SCN1A: variants seen among roughly 807,000 people sequenced by gnomAD.
SCN1A encodes the protein sodium channel protein type 1 subunit alpha.
Under a neutral mutation model 193.7 loss-of-function variants are expected in SCN1A, and 13 were observed. The ratio of observed to expected loss-of-function variants is 0.07; its 90% CI spans 0.04 to 0.11. SCN1A has a LOEUF of 0.11. Ranked by LOEUF, SCN1A falls within the 10% of genes least tolerant of loss-of-function variation. The pLI is 1.00. For missense variants in SCN1A, 1,432 were observed against 2,451.1 expected (o/e 0.58, Z 8.78); for synonymous variants, 781 against 843.6 (o/e 0.93, Z 1.29).
chr2:166,077,202 G>T (rs538311413), intron 3 of SCN1A: 1 of 151,850 alleles, frequency 6.6e-6, no homozygotes, highest in East Asian at 1.9e-4. Flanking sequence ...TGAAAAAAAA[G>T]AATTGACAAT....
chr2:166,080,089 T>C (rs1285266045), intron 2 of SCN1A, among the ~76,000 whole-genome samples: 1 of 151,718 alleles, frequency 6.6e-6, no homozygotes, highest in Non-Finnish European at 1.5e-5. Flanking sequence ...TCTGTACTTA[T>C]TCTATTAAAA....
chr2:166,102,822 G>A (rs1172225440), intron 2 of SCN1A, among the ~76,000 whole-genome samples: 1 of 152,134 alleles, frequency 6.6e-6, no homozygotes, highest in Non-Finnish European at 1.5e-5. Flanking sequence ...TGGCTGACTG[G>A]ATAAAGAAAA....
At chr2:166,083,496 T>C (rs1165271186) in intron 2 of SCN1A, among the ~76,000 whole-genome samples, 2 of 151,944 alleles carry the variant, frequency 1.3e-5, no homozygotes, top group African/African-American at 4.8e-5. Flanking sequence ...ATACAATACA[T>C]AGTTTTTGCC....
At chr2:165,995,225 T>C (rs1215480695) in intron 27 of SCN1A, among the ~76,000 whole-genome samples, 2 of 151,842 alleles carry the variant, frequency 1.3e-5, no homozygotes, top group African/African-American at 4.8e-5. Flanking sequence ...TAAATTTTAA[T>C]GGAGAAAGTA....
chr2:166,030,827 G>A (rs894712787), intron 19 of SCN1A, among the ~76,000 whole-genome samples: 3 of 151,908 alleles, frequency 2.0e-5, no homozygotes, highest in Non-Finnish European at 2.9e-5. Context: ...TAGGTGCTTC[G>A]GAGGATAGAA....
Position 165,991,765 on chromosome 2 carries a change from G to C in SCN1A, c.5510C>G (p.Pro1837Arg). Residue 1837 changes from proline to arginine, a missense_variant, in exon 29 of 29, where the codon CCG (proline) becomes CGG (arginine). Physicochemically the swap from Pro to Arg is moderately radical, Grantham distance 103. Around this residue, in one of 18 missense-constraint regions of SCN1A, gnomAD observed 59 missense variants for 110.6 expected, o/e 0.53. Transcript: ENST00000674923. The part of the protein sequence containing the change: ...KLSQFAAALE[P>R]PLNLPQPNKL... ...GTTTGGTTGTGGCAGATTGAGAGGC[G>C]GTTCAAGCGCAGCTGCAAACTGAGA... 6.2e-7 allele frequency: 1 copy of C among 1,613,848 alleles called. No homozygotes were observed. The highest frequency in any genetic ancestry group is 8.5e-7 in the Non-Finnish European group (1 of 1,179,920).
intron 2 of SCN1A, among the ~76,000 whole-genome samples, chr2:166,112,126 A>G (rs540964776): frequency 2.8e-4 from 42 of 152,222 alleles, no homozygotes; most frequent in Non-Finnish European, 5.6e-4. Context: ...TACTGTGGGT[A>G]AAATGCTATC....
upstream of SCN1A, among the ~76,000 whole-genome samples, chr2:166,130,779 TCATTCGTCAGAGCTGAAG>T (rs1261288663): frequency 6.6e-6 from 1 of 152,204 alleles, no homozygotes; most frequent in Non-Finnish European, 1.5e-5. Context: ...CACAGATACT[TCATTCGTCAGAGCTGAAG>T]CAGTTTTACA....
At chr2:166,146,298 C>T (rs1292364604) in intron 1 of SCN1A, among the ~76,000 whole-genome samples, 1 of 152,120 alleles carries the variant, frequency 6.6e-6, no homozygotes, top group Non-Finnish European at 1.5e-5. Flanking sequence ...GCAAACAGGT[C>T]CCACCTTATA....
chr2:166,123,307 A>G (rs934084983), intron 2 of SCN1A, among the ~76,000 whole-genome samples: 4 of 144,900 alleles, frequency 2.8e-5, no homozygotes, highest in South Asian at 4.4e-4. Context: ...CCTGGCCACT[A>G]TGGGGGATGT....
At chr2:165,995,148 G>A (rs965337878) in intron 27 of SCN1A, among the ~76,000 whole-genome samples, 1 of 151,818 alleles carries the variant, frequency 6.6e-6, no homozygotes, top group Admixed American at 6.6e-5. Flanking sequence ...GGGCCACTGA[G>A]GAATTCTGAG....
Position 166,038,185 on chromosome 2 carries a change from A to G in SCN1A, c.2590-53T>C, listed in dbSNP as rs984855471. 3.7e-6 allele frequency: 5 copies of G among 1,341,638 alleles called. No homozygotes were observed. In the African/African-American group the frequency reaches 5.9e-5, roughly 16 times the overall value. The allele number at this position is 1,341,638 out of a possible 1,614,324, so 83.1% of individuals were successfully genotyped here. ...TGTATGATTCTTAAAAGCATTATATATATTGAGCTTTACCTAGAAATGGTC... is the reference window on the plus strand; with the variant it reads ...TGTATGATTCTTAAAAGCATTATATGTATTGAGCTTTACCTAGAAATGGTC... On this transcript the variant is annotated intron_variant, in intron 17 of 28. Transcript: ENST00000674923.
At chr2:166,024,325 G>C (rs918222626) in intron 19 of SCN1A, among the ~76,000 whole-genome samples, 1 of 152,134 alleles carries the variant, frequency 6.6e-6, no homozygotes, top group Non-Finnish European at 1.5e-5. Flanking sequence ...TAGAGACAAA[G>C]AAACCATCCA....
At chr2:166,085,352 G>A (rs1685997125) in intron 2 of SCN1A, among the ~76,000 whole-genome samples, 3 of 152,172 alleles carry the variant, frequency 2.0e-5, no homozygotes, top group Admixed American at 1.3e-4. Flanking sequence ...TGGTTCAACA[G>A]AAATACTTGA....
At chr2:166,070,293 G>A (rs1453509759) in intron 4 of SCN1A, among the ~76,000 whole-genome samples, 2 of 152,164 alleles carry the variant, frequency 1.3e-5, no homozygotes, top group East Asian at 1.9e-4. Flanking sequence ...GTGCATTGCT[G>A]TTGAATGACT....
chr2:166,119,451 G>A (rs1344624909), intron 2 of SCN1A, among the ~76,000 whole-genome samples: 1 of 152,142 alleles, frequency 6.6e-6, no homozygotes, highest in Non-Finnish European at 1.5e-5. Context: ...TACTATGTCA[G>A]TATTTACAGG....
At chr2:166,082,205 C>T (rs1685600498) in intron 2 of SCN1A, among the ~76,000 whole-genome samples, 1 of 151,686 alleles carries the variant, frequency 6.6e-6, no homozygotes, top group Non-Finnish European at 1.5e-5. Context: ...AGAAAACAAA[C>T]TGAATCAAAG....
intron 2 of SCN1A, among the ~76,000 whole-genome samples, chr2:166,121,193 G>A (rs1441911863): frequency 1.5e-4 from 23 of 151,038 alleles, no homozygotes; most frequent in Non-Finnish European, 2.4e-4. Context: ...CTAGATTACA[G>A]CACCTTACAG....
At chr2:166,077,150 C>A (rs1685065264) in intron 3 of SCN1A, 1 of 151,510 alleles carries the variant, frequency 6.6e-6, no homozygotes, top group African/African-American at 2.4e-5. Context: ...AACCAGAACT[C>A]AGGTGATGAC....
Sources: allele counts gnomAD v4.1 joint callset (sites outside exome capture counted in the v4.1 genomes callset), GRCh38; gene constraint gnomAD v4.1.1; regional missense constraint gnomAD v4.1.1; transcripts MANE v1.5; gene names NCBI Gene and HGNC (gene_info 2026-07-23, HGNC 2026-07-21).